The following NXF1 variants were observed in gnomAD, a reference collection of about 807,000 sequenced individuals.
The protein encoded by NXF1 is nuclear RNA export factor 1.
A neutral mutation model predicts 92.4 loss-of-function variants in NXF1; 43 were observed. The observed-to-expected ratio is 0.47, with a 90% CI of 0.36 to 0.60. The LOEUF (loss-of-function observed/expected upper bound fraction) is 0.60. Ranked by LOEUF, NXF1 falls within the 20% of genes least tolerant of loss-of-function variation. The pLI, the probability that NXF1 is intolerant of heterozygous loss-of-function variation, is 0.00. For missense variants in NXF1, 576 were observed against 793.0 expected (o/e 0.73, Z 3.29); for synonymous variants, 288 against 292.2 (o/e 0.99, Z 0.15).
chr11:62,801,349 T>C lies in NXF1; in HGVS notation c.778A>G (p.Ile260Val), dbSNP rs774489495. 44 of 1,613,998 alleles carry C rather than the reference T, an allele frequency of 2.7e-5. No homozygotes were observed. Among genetic ancestry groups the C allele is most frequent in the Non-Finnish European group, 3.4e-5 (40 of 1,179,972 alleles). Residue 260 changes from isoleucine to valine, a missense_variant, in exon 8 of 21, where the codon ATT (isoleucine) becomes GTT (valine). Around this residue, in one of 2 missense-constraint regions of NXF1, gnomAD observed 425 missense variants for 635.2 expected, o/e 0.67. Transcript: ENST00000294172. ...RSCMAATLRIIEENIPELLSL... is the reference protein window; with the variant it reads ...RSCMAATLRIVEENIPELLSL... ...CTTACCTCAGGGATGTTCTCTTCAA[T>C]GATCCTCAGGGTAGCTGCCATACAG... is the stretch of plus-strand genomic sequence containing the variant.
intron 11 of NXF1, 43 bp downstream of exon 11, chr11:62,798,496 G>C: frequency 6.2e-7 from 1 of 1,606,006 alleles, no homozygotes; most frequent in Middle Eastern, 1.7e-4. Flanking sequence ...CCTTGTGAGT[G>C]AGAGATGCTG....
chr11:62,799,429 G>T (rs1192668314), intron 10 of NXF1: 3 of 985,618 alleles, frequency 3.0e-6, no homozygotes, highest in Non-Finnish European at 3.6e-6. Context: ...CCCTCAGAAG[G>T]TGTGAGGGTT....
At position 62,805,435 on chromosome 11, in the gene NXF1, C is replaced by G; in HGVS notation, c.-79G>C. On this transcript the variant is annotated 5_prime_UTR_variant, in exon 1 of 21. Coordinates refer to ENST00000294172, the MANE Select transcript of NXF1 (RefSeq NM_006362.5). ...AACCTAACTCCCAAGCGCTCAGGAC[C>G]GAAGTGTCCCTACGCCGGGCGCCAC... is the stretch of plus-strand genomic sequence containing the variant. 2.5e-6 allele frequency: 4 copies of G among 1,592,312 alleles called. No individual in the cohort carries two copies. The highest frequency in any genetic ancestry group is 1.7e-4 in the Middle Eastern group (1 of 6,014).
intron 19 of NXF1, among the ~76,000 whole-genome samples, chr11:62,793,037 C>T (rs1046491697): frequency 1.3e-5 from 2 of 151,058 alleles, no homozygotes; most frequent in Non-Finnish European, 2.9e-5. Flanking sequence ...AATTTATACA[C>T]AGGCAAATTT....
At chr11:62,800,587 A>T in intron 9 of NXF1, 101 bp from the exon 10 acceptor site, 1 of 708,206 alleles carries the variant, frequency 1.4e-6, no homozygotes, top group Non-Finnish European at 2.3e-6. Flanking sequence ...GATCTTTTCT[A>T]ATCTTTTAAA....
intron 10 of NXF1, 54 bp downstream of exon 10, chr11:62,800,323 C>A: frequency 6.2e-7 from 1 of 1,612,640 alleles, no homozygotes; most frequent in South Asian, 1.1e-5. Context: ...TGCATTAGCT[C>A]AGCCTCCCAG....
chr11:62,798,933 G>A (rs1297332847), intron 10 of NXF1: 8 of 1,080,638 alleles, frequency 7.4e-6, no homozygotes, highest in Non-Finnish European at 9.0e-6. Flanking sequence ...GAGCCCAGGG[G>A]CTCCGCTGCC....
At chr11:62,805,202 C>A in intron 1 of NXF1, 127 bp downstream of exon 1, 1 of 840,514 alleles carries the variant, frequency 1.2e-6, no homozygotes, top group Non-Finnish European at 1.6e-6. Flanking sequence ...GTGCCCGGCC[C>A]CCCGCGCGCC....
chr11:62,801,309 T>A lies in NXF1; in HGVS notation c.798+20A>T. On this transcript the variant is annotated intron_variant, in intron 8 of 20. Coordinates refer to ENST00000294172, the MANE Select transcript of NXF1 (RefSeq NM_006362.5). ...ACACACCCTGCTTCCTCATGCCTAA[T>A]ACTGGGCCAAAGGCCTTACCTCAGG... is the stretch of plus-strand genomic sequence containing the variant. The A allele has an allele frequency of 6.2e-7, 1 of 1,613,030 alleles. No individual in the cohort carries two copies. Among genetic ancestry groups the A allele is most frequent in the Middle Eastern group, 1.7e-4 (1 of 6,056 alleles).
chr11:62,797,036 C>T, intron 13 of NXF1, 147 bp downstream of exon 13: 1 of 718,296 alleles, frequency 1.4e-6, no homozygotes, highest in Non-Finnish European at 2.3e-6. Context: ...CCATTGCACT[C>T]CAGCCTGGGT....
chr11:62,798,445 AAAAAAGAAAAAG>A (rs1176132666), intron 11 of NXF1, 82 bp downstream of exon 11: 18 of 1,539,874 alleles, frequency 1.2e-5, no homozygotes, highest in East Asian at 4.6e-5. Flanking sequence ...ATAAAAAAAA[AAAAAAGAAAAAG>A]AAAAAGAAAA....
In NXF1 at chr11:62,792,302, A is replaced by G. The variant is rs1403286457; in HGVS notation, c.*174T>C. On this transcript the variant is annotated 3_prime_UTR_variant, in exon 21 of 21. Transcript: ENST00000294172. ...GGCTTCCTGGCACCAGTGAGGCTCA[A>G]TCTTCTGAAGTCTTCCAGAAGGCAG... is the stretch of plus-strand genomic sequence containing the variant. 1.1e-5 allele frequency: 9 copies of G among 813,870 alleles called. No homozygotes were observed. Among genetic ancestry groups the G allele is most frequent in the Non-Finnish European group, 1.6e-5 (8 of 490,158 alleles). 50.4% of individuals were successfully genotyped at this position (813,870 alleles called of 1,614,324 possible). A position where few individuals can be genotyped will look rare whatever the true frequency, so the allele number is the denominator to read the frequency against.
chr11:62,794,304 G>A lies in NXF1; in HGVS notation c.1714C>T (p.Gln572Ter). The A allele has an allele frequency of 6.2e-7, 1 of 1,614,168 alleles. No homozygotes were observed. Among genetic ancestry groups the A allele is most frequent in the Non-Finnish European group, 8.5e-7 (1 of 1,180,022 alleles). ...ATGCCAGACTGGGTAGAGAATGCTT[G>A]CAACATTTCCTGCTGCTCTGGAGAG... ...TLSPEQQEML[Q>*]AFSTQSGMNL... is the part of the protein sequence containing the mutation. The change falls in exon 19 of 21, where the codon CAA (glutamine) becomes TAA (stop). Residue 572 changes from glutamine (Q) to a stop codon, truncating the protein, a stop_gained. Transcript: ENST00000294172. LOFTEE classifies it high-confidence loss of function.
chr11:62,798,390 T>C (rs988730528), intron 11 of NXF1, 149 bp downstream of exon 11: 6 of 1,184,236 alleles, frequency 5.1e-6, no homozygotes, highest in Non-Finnish European at 6.8e-6. Context: ...GCTGAAATCA[T>C]GCTGTTGCAC....
At position 62,801,311 on chromosome 11, in the gene NXF1, C is replaced by T. The variant is rs1448254751; in HGVS notation, c.798+18G>A. On this transcript the variant is annotated intron_variant, in intron 8 of 20. Coordinates refer to ENST00000294172, the MANE Select transcript of NXF1 (RefSeq NM_006362.5). ...ACACCCTGCTTCCTCATGCCTAATACTGGGCCAAAGGCCTTACCTCAGGGA... is the reference window on the plus strand; with the variant it reads ...ACACCCTGCTTCCTCATGCCTAATATTGGGCCAAAGGCCTTACCTCAGGGA... The T allele has an allele frequency of 6.2e-7, 1 of 1,613,246 alleles. No homozygotes were observed. Among genetic ancestry groups the T allele is most frequent in the East Asian group, 2.2e-5 (1 of 44,900 alleles).
rs772149198 is a variant in NXF1 at position 62,800,399 on chromosome 11, G to A, written c.994C>T (p.Arg332Ter). ...LDGNSLCDTF[R>*]DQSTYISAIR... The stretch of plus-strand genomic sequence containing the variant: ...GACCTGATGTAGGTGGACTGGTCTC[G>A]GAAGGTGTCACACAGGGAGTTTCCA... Residue 332 changes from arginine to a stop codon, truncating the protein, a stop_gained, in exon 10 of 21, where the codon CGA (arginine) becomes TGA (stop). Transcript: ENST00000294172. LOFTEE classifies it high-confidence loss of function. The A allele has an allele frequency of 1.2e-6, 2 of 1,613,976 alleles. No homozygotes were observed. The highest frequency in any genetic ancestry group is 1.7e-6 in the Non-Finnish European group (2 of 1,179,952).
chr11:62,793,029 T>C (rs951330684), intron 19 of NXF1, among the ~76,000 whole-genome samples: 6 of 152,174 alleles, frequency 3.9e-5, no homozygotes, highest in Admixed American at 3.9e-4. Flanking sequence ...TTTATGTTAA[T>C]TTATACACAG....
intron 13 of NXF1, 21 bp from the exon 14 acceptor site, chr11:62,796,588 A>G (rs760268349): frequency 1.5e-5 from 23 of 1,518,930 alleles, no homozygotes; most frequent in Non-Finnish European, 2.0e-5. Flanking sequence ...AACAAAAAAG[A>G]AAGTATGGGC....
At chr11:62,799,103 G>C (rs1258724102) in intron 10 of NXF1, 2 of 986,360 alleles carry the variant, frequency 2.0e-6, no homozygotes, top group Middle Eastern at 5.2e-4. Flanking sequence ...AAGAGAAAAA[G>C]GCAAGATGGG....
Sources: gnomAD v4.1 joint callset for allele counts (sites outside exome capture counted in the v4.1 genomes callset) on GRCh38, gnomAD v4.1.1 for gene constraint, gnomAD v4.1.1 regional missense constraint, MANE v1.5 for transcripts, NCBI Gene and HGNC (gene_info 2026-07-23, HGNC 2026-07-21) for gene names.